The following ATRNL1 variants were observed in gnomAD, a reference collection of about 807,000 sequenced individuals.
ATRNL1 encodes attractin like 1, also known as attractin-like protein 1.
In ATRNL1, 95 loss-of-function variants were observed where a neutral mutation model predicts 182.7. The ratio of observed to expected loss-of-function variants is 0.52; its 90% CI spans 0.44 to 0.62. The LOEUF (loss-of-function observed/expected upper bound fraction) is 0.62, where lower values mean the gene tolerates loss of function less well. ATRNL1 is among the 20% of genes least tolerant of loss of function. The pLI is 0.00. For synonymous variants in ATRNL1, 576 were observed against 568.3 expected (o/e 1.01, Z -0.19); for missense variants, 1,471 against 1,679.5 (o/e 0.88, Z 2.17).
rs552343304 is a variant in ATRNL1 at position 115,755,842 on chromosome 10, T to G, written c.3903+28487T>G. Reference sequence around the variant, plus strand: ...TAGGCTATTAATTACTGCCTCAGTTTTAGAACTTGTTATTGGTCTATTCAG... The same window carrying G: ...TAGGCTATTAATTACTGCCTCAGTTGTAGAACTTGTTATTGGTCTATTCAG... On this transcript the variant is annotated intron_variant, in intron 27 of 28. Transcript: ENST00000355044. Among the ~76,000 whole-genome samples, 12 of 152,332 alleles carry G rather than the reference T, an allele frequency of 7.9e-5. No homozygotes were observed. The South Asian group carries it at 2.5e-3, about 32-fold the overall frequency.
chr10:115,147,314 G>C (rs1317414610), intron 5 of ATRNL1, among the ~76,000 whole-genome samples: 1 of 151,896 alleles, frequency 6.6e-6, no homozygotes, highest in Non-Finnish European at 1.5e-5. Flanking sequence ...TTTTAAATAG[G>C]ATTATTTGTT....
intron 26 of ATRNL1, among the ~76,000 whole-genome samples, chr10:115,627,621 CT>C (rs1406675639): frequency 2.0e-5 from 3 of 152,118 alleles, no homozygotes; most frequent in Admixed American, 1.3e-4. Context: ...TCCCCTGAGC[CT>C]CCCAAAGTGT....
intron 28 of ATRNL1, among the ~76,000 whole-genome samples, chr10:115,868,097 T>C (rs114413648): frequency 0.017 from 2,631 of 152,200 alleles, 90 homozygotes; most frequent in African/African-American, 0.06. Flanking sequence ...ATAGAGCTTA[T>C]ACATTGAATT....
chr10:115,512,229 T>C (rs1850420360), intron 24 of ATRNL1, among the ~76,000 whole-genome samples: 1 of 151,976 alleles, frequency 6.6e-6, no homozygotes, highest in South Asian at 2.1e-4. Context: ...CCTGAGAAGA[T>C]ATACTTTCAT....
intron 21 of ATRNL1, among the ~76,000 whole-genome samples, chr10:115,439,251 A>G (rs964571547): frequency 6.6e-6 from 1 of 151,866 alleles, no homozygotes; most frequent in Non-Finnish European, 1.5e-5. Context: ...CACAGGTAGA[A>G]AAAAATTCAC....
At chr10:115,173,623 A>G (rs1422718319) in intron 8 of ATRNL1, among the ~76,000 whole-genome samples, 1 of 151,858 alleles carries the variant, frequency 6.6e-6, no homozygotes, top group East Asian at 1.9e-4. Context: ...TCTGGAATTT[A>G]TGTTTTATAG....
intron 27 of ATRNL1, among the ~76,000 whole-genome samples, chr10:115,765,142 C>T (rs1948827008): frequency 1.3e-5 from 2 of 152,122 alleles, no homozygotes; most frequent in African/African-American, 4.8e-5. Flanking sequence ...CATCCATGTG[C>T]AGATTTTTGT....
rs113228440 is a variant in ATRNL1, at chr10:115,628,520, A to G, written c.3795+78984A>G. Among the ~76,000 whole-genome samples the G allele has an allele frequency of 2.7e-3, 414 of 152,238 alleles. 3 individuals are homozygous for G. The highest frequency in any genetic ancestry group is 7.9e-3 in the South Asian group (38 of 4,820). On this transcript the variant is annotated intron_variant, in intron 26 of 28. Transcript: ENST00000355044. The stretch of plus-strand genomic sequence containing the variant: ...ATTTGCAAGTATTTTCTCCCGTTCT[A>G]TAGATTGTCTTTTCATTTTCTTTAA...
chr10:115,837,967 A>C lies in ATRNL1; in HGVS notation c.3904-9910A>C, dbSNP rs118172040. On this transcript the variant is annotated intron_variant, in intron 27 of 28. Transcript: ENST00000355044. The stretch of plus-strand genomic sequence containing the variant: ...TGCAAGTGATTCTACCTAATATAAA[A>C]TTGTATTTAAACAACTACTTTTTGC... Among the ~76,000 whole-genome samples the C allele has an allele frequency of 6.4e-3, 980 of 152,310 alleles. 4 individuals are homozygous for C. Among genetic ancestry groups the C allele is most frequent in the Non-Finnish European group, 0.012 (783 of 68,018 alleles).
intron 26 of ATRNL1, among the ~76,000 whole-genome samples, chr10:115,569,830 A>G (rs1462352821): frequency 1.3e-5 from 2 of 151,852 alleles, no homozygotes; most frequent in African/African-American, 4.8e-5. Flanking sequence ...GTAACAAAAT[A>G]CCATAAACTG....
At chr10:115,805,194 A>C (rs1417288747) in intron 27 of ATRNL1, among the ~76,000 whole-genome samples, 1 of 152,178 alleles carries the variant, frequency 6.6e-6, no homozygotes, top group Non-Finnish European at 1.5e-5. Flanking sequence ...TAATCCTATT[A>C]GTCCATTCTA....
At chr10:115,582,712 G>C (rs1172575637) in intron 26 of ATRNL1, among the ~76,000 whole-genome samples, 3 of 149,228 alleles carry the variant, frequency 2.0e-5, no homozygotes, top group Non-Finnish European at 4.5e-5. Flanking sequence ...TCACTCTGAT[G>C]GTAGTTTCTT....
chr10:115,268,237 T>A (rs977798260), intron 12 of ATRNL1, 89 bp from the exon 13 acceptor site: 1 of 760,120 alleles, frequency 1.3e-6, no homozygotes, highest in African/African-American at 1.7e-5. Flanking sequence ...TCTTAGTGAT[T>A]CTTAATGATT....
At chr10:115,611,055 T>A (rs1335929989) in intron 26 of ATRNL1, among the ~76,000 whole-genome samples, 1 of 38,644 alleles carries the variant, frequency 2.6e-5, no homozygotes, top group Non-Finnish European at 6.1e-5. Context: ...TTCAAAGGAC[T>A]TTTTTTTTTA....
At chr10:115,778,031 TA>T (rs1949170998) in intron 27 of ATRNL1, among the ~76,000 whole-genome samples, 1 of 151,992 alleles carries the variant, frequency 6.6e-6, no homozygotes, top group Non-Finnish European at 1.5e-5. Context: ...GAATAAAGAG[TA>T]ATGTTCAGGG....
chr10:115,430,835 T>C (rs1243285694), intron 21 of ATRNL1, among the ~76,000 whole-genome samples: 3 of 152,052 alleles, frequency 2.0e-5, no homozygotes, highest in African/African-American at 7.2e-5. Flanking sequence ...GGGCATCTCA[T>C]GGGTAGAGGC....
At chr10:115,830,132 C>A (rs1411860347) in intron 27 of ATRNL1, among the ~76,000 whole-genome samples, 2 of 152,174 alleles carry the variant, frequency 1.3e-5, no homozygotes, top group African/African-American at 4.8e-5. Flanking sequence ...ATTGGCGGAT[C>A]TCAATAATAT....
At chr10:115,549,817 A>G (rs1405522523) in intron 26 of ATRNL1, among the ~76,000 whole-genome samples, 1 of 152,018 alleles carries the variant, frequency 6.6e-6, no homozygotes, top group Non-Finnish European at 1.5e-5. Context: ...AAATTTTGTA[A>G]TATATTTAAC....
chr10:115,408,860 T>A (rs1844994052), intron 20 of ATRNL1, among the ~76,000 whole-genome samples: 2 of 152,182 alleles, frequency 1.3e-5, no homozygotes, highest in African/African-American at 4.8e-5. Flanking sequence ...GTTCTTGGCA[T>A]CTTTGTCAAA....
Sources: allele counts gnomAD v4.1 joint callset (sites outside exome capture counted in the v4.1 genomes callset), GRCh38; gene constraint gnomAD v4.1.1; transcripts MANE v1.5; gene names NCBI Gene and HGNC (gene_info 2026-07-23, HGNC 2026-07-21).